UMAD1: variants seen among roughly 807,000 people sequenced by gnomAD.
UMAD1 encodes UBAP1-MVB12-associated (UMA)-domain containing protein 1.
Under a neutral mutation model 6.1 loss-of-function variants are expected in UMAD1, and 8 were observed. The observed-to-expected ratio is 1.30, with a 90% CI of 0.76 to 2.35. UMAD1 has a LOEUF of 2.35. Ranked by LOEUF, UMAD1 falls within the 30% of genes most tolerant of loss-of-function variation. The probability of loss-of-function intolerance (pLI) is 0.00; values close to 1 mark genes in which losing one functional copy is unlikely to be tolerated. For missense variants in UMAD1, 130 were observed against 78.4 expected, an observed-to-expected ratio of 1.66 and a Z score of -2.49; for synonymous variants, 56 against 31.4, an observed-to-expected ratio of 1.78 and a Z score of -2.61.
chr7:7,785,540 G>A (rs935752330), intron 2 of UMAD1, among the ~76,000 whole-genome samples: 4 of 152,212 alleles, frequency 2.6e-5, no homozygotes, highest in Non-Finnish European at 5.9e-5. Context: ...AATAATTGTG[G>A]GATGGGGCAA....
At chr7:7,739,938 C>G (rs964630899) in intron 2 of UMAD1, among the ~76,000 whole-genome samples, 2 of 152,220 alleles carry the variant, frequency 1.3e-5, no homozygotes, top group Admixed American at 1.3e-4. Flanking sequence ...TCTGAGTCAG[C>G]ATCCTTGCTA....
At chr7:7,679,734 A>C (rs1043451937) in intron 2 of UMAD1, among the ~76,000 whole-genome samples, 2 of 145,842 alleles carry the variant, frequency 1.4e-5, no homozygotes, top group Non-Finnish European at 3.0e-5. Context: ...ATATATATAC[A>C]CACACACATA....
chr7:7,661,777 A>G (rs532801558), intron 1 of UMAD1, among the ~76,000 whole-genome samples: 2 of 152,274 alleles, frequency 1.3e-5, no homozygotes, highest in South Asian at 2.1e-4. Context: ...GTCAGGAGAC[A>G]TGGGTGTCAG....
chr7:7,656,139 C>G (rs962968307), intron 1 of UMAD1, among the ~76,000 whole-genome samples: 2 of 152,012 alleles, frequency 1.3e-5, no homozygotes, highest in East Asian at 3.9e-4. Context: ...CTGGCCAGGA[C>G]AGGCTCTCTT....
At chr7:7,859,670 T>A (rs528441474) in intron 3 of UMAD1, among the ~76,000 whole-genome samples, 2 of 152,188 alleles carry the variant, frequency 1.3e-5, no homozygotes, top group Non-Finnish European at 2.9e-5. Context: ...GCAGGGGTCA[T>A]TGAGACTTGA....
chr7:7,765,362 T>A (rs538532032), intron 2 of UMAD1, among the ~76,000 whole-genome samples: 6 of 152,184 alleles, frequency 3.9e-5, no homozygotes, highest in African/African-American at 7.2e-5. Context: ...AATCATACCA[T>A]AGCTTCAGAA....
intron 3 of UMAD1, among the ~76,000 whole-genome samples, chr7:7,808,421 G>A (rs183869396): frequency 9.9e-5 from 15 of 152,074 alleles, no homozygotes; most frequent in African/African-American, 3.1e-4. Flanking sequence ...TCAATTTGTA[G>A]TCTTGGAAAG....
At chr7:7,840,277 C>G (rs1783652910) in intron 3 of UMAD1, among the ~76,000 whole-genome samples, 1 of 152,072 alleles carries the variant, frequency 6.6e-6, no homozygotes, top group South Asian at 2.1e-4. Flanking sequence ...GGACATGGAA[C>G]TGAGAGGATG....
At chr7:7,660,147 T>G (rs1250085394) in intron 1 of UMAD1, among the ~76,000 whole-genome samples, 1 of 152,240 alleles carries the variant, frequency 6.6e-6, no homozygotes, top group Non-Finnish European at 1.5e-5. Flanking sequence ...GCTTTCCATT[T>G]GCTTGGTAAA....
At chr7:7,852,374 C>T (rs1286960029) in intron 3 of UMAD1, among the ~76,000 whole-genome samples, 1 of 152,048 alleles carries the variant, frequency 6.6e-6, no homozygotes, top group Non-Finnish European at 1.5e-5. Context: ...AATTTTACTT[C>T]ATCTTTTTCG....
At chr7:7,654,117 A>G (rs1394546725) in intron 1 of UMAD1, among the ~76,000 whole-genome samples, 1 of 152,204 alleles carries the variant, frequency 6.6e-6, no homozygotes, top group Non-Finnish European at 1.5e-5. Flanking sequence ...GATTCTGAAA[A>G]CCATAGGACC....
At chr7:7,705,239 G>A (rs184245430) in intron 2 of UMAD1, among the ~76,000 whole-genome samples, 46 of 152,270 alleles carry the variant, frequency 3.0e-4, no homozygotes, top group Admixed American at 2.6e-3. Context: ...AACGAAGTTC[G>A]TATAGTTGAT....
chr7:7,850,546 T>C (rs745655174), intron 3 of UMAD1, among the ~76,000 whole-genome samples: 13 of 152,238 alleles, frequency 8.5e-5, no homozygotes, highest in Non-Finnish European at 1.8e-4. Flanking sequence ...TAAGTTAATT[T>C]AAAATATATG....
At chr7:7,722,980 C>T (rs899806206) in intron 2 of UMAD1, among the ~76,000 whole-genome samples, 2 of 152,220 alleles carry the variant, frequency 1.3e-5, no homozygotes, top group African/African-American at 4.8e-5. Context: ...CTGCCATCAG[C>T]CTTTCCACCT....
At chr7:7,728,528 G>C (rs559863284) in intron 2 of UMAD1, among the ~76,000 whole-genome samples, 30 of 151,738 alleles carry the variant, frequency 2.0e-4, no homozygotes, top group Non-Finnish European at 3.8e-4. Flanking sequence ...CCTGTAGTCC[G>C]AGCTACTCAG....
intron 3 of UMAD1, among the ~76,000 whole-genome samples, chr7:7,867,894 T>C (rs1784262126): frequency 6.6e-6 from 1 of 152,130 alleles, no homozygotes; most frequent in Non-Finnish European, 1.5e-5. Context: ...TGGGTGGATC[T>C]GCAGCCCTGG....
intron 3 of UMAD1, among the ~76,000 whole-genome samples, chr7:7,850,636 A>C (rs900210657): frequency 1.3e-5 from 2 of 152,154 alleles, no homozygotes; most frequent in African/African-American, 4.8e-5. Flanking sequence ...GTATATAATC[A>C]GTCAAAACAA....
chr7:7,744,591 C>G (rs1781533744), intron 2 of UMAD1, among the ~76,000 whole-genome samples: 1 of 139,524 alleles, frequency 7.2e-6, no homozygotes, highest in Admixed American at 7.1e-5. Flanking sequence ...CTAATTGTTA[C>G]TGTTTTTTTT....
At chr7:7,753,405 C>T (rs1480626720) in intron 2 of UMAD1, among the ~76,000 whole-genome samples, 1 of 152,200 alleles carries the variant, frequency 6.6e-6, no homozygotes, top group East Asian at 1.9e-4. Context: ...CCATCCCCAT[C>T]AATCCCCCCA....
Sources: allele counts gnomAD v4.1 joint callset (sites outside exome capture counted in the v4.1 genomes callset), GRCh38; gene constraint gnomAD v4.1.1; transcripts MANE v1.5; gene names NCBI Gene and HGNC (gene_info 2026-07-23, HGNC 2026-07-21).